TEX2: variants seen among roughly 807,000 people sequenced by gnomAD.
TEX2 encodes the protein testis expressed 2, also known as testis-expressed protein 2.
A neutral mutation model predicts 106.9 loss-of-function variants in TEX2; 53 were observed. That is an observed-to-expected ratio of 0.50 (90% CI 0.40 to 0.62). TEX2 has a LOEUF of 0.62. Ranked by LOEUF, TEX2 falls within the 20% of genes least tolerant of loss-of-function variation. TEX2 has a pLI of 0.00. For synonymous variants in TEX2, 523 were observed against 534.8 expected (o/e 0.98, Z 0.30); for missense variants, 1,207 against 1,379.0 (o/e 0.88, Z 1.98).
chr17:64,162,922 T>A (rs2030952579), intron 7 of TEX2, among the ~76,000 whole-genome samples: 1 of 152,138 alleles, frequency 6.6e-6, no homozygotes, highest in Admixed American at 6.5e-5. Context: ...TTGCTCTGTC[T>A]CCCTTGCTGC....
At chr17:64,251,426 T>C (rs2034088831) in intron 1 of TEX2, among the ~76,000 whole-genome samples, 1 of 152,202 alleles carries the variant, frequency 6.6e-6, no homozygotes, top group African/African-American at 2.4e-5. Flanking sequence ...CCTTCTTAAC[T>C]TGCAGTCTCC....
At chr17:64,257,916 CTTTTT>C (rs566218290) in intron 1 of TEX2, among the ~76,000 whole-genome samples, 1 of 145,384 alleles carries the variant, frequency 6.9e-6, no homozygotes, top group Non-Finnish European at 1.5e-5. Flanking sequence ...TATAACCGTT[CTTTTT>C]TTTTTTTTGA....
rs1452195169 is a variant in TEX2 at position 64,154,697 on chromosome 17, G to A, written c.2930+145C>T. 3.7e-6 allele frequency: 4 copies of A among 1,069,516 alleles called. No homozygotes were observed. In the Admixed American group the frequency reaches 1.2e-4, roughly 33 times the overall value. 66.3% of individuals were successfully genotyped at this position (1,069,516 alleles called of 1,614,324 possible). ...TTGCCTGGAATTTAAACAGACCACTGACCTGGGATATTAATAAAAAAACCA... is the reference window on the plus strand; with the variant it reads ...TTGCCTGGAATTTAAACAGACCACTAACCTGGGATATTAATAAAAAAACCA... On this transcript the variant is annotated intron_variant, in intron 9 of 11. Coordinates refer to ENST00000584379, the MANE Select transcript of TEX2 (RefSeq NM_001288732.2).
chr17:64,251,692 G>C (rs1045761785), intron 1 of TEX2, among the ~76,000 whole-genome samples: 2 of 152,298 alleles, frequency 1.3e-5, no homozygotes, highest in Middle Eastern at 3.4e-3. Context: ...GAGAGAGAAG[G>C]GGGAAGCCTC....
In TEX2 at chr17:64,148,762, C is replaced by T. The variant is rs897009770; in HGVS notation, c.*207G>A. 1.9e-5 allele frequency: 11 copies of T among 578,278 alleles called. No individual in the cohort carries two copies. The highest frequency in any genetic ancestry group is 3.2e-5 in the East Asian group (1 of 31,576). 35.8% of individuals were successfully genotyped at this position (578,278 alleles called of 1,614,324 possible). A position where few individuals can be genotyped will look rare whatever the true frequency, so the allele number is the denominator to read the frequency against. On this transcript the variant is annotated 3_prime_UTR_variant, in exon 12 of 12. Coordinates refer to ENST00000584379, the MANE Select transcript of TEX2 (RefSeq NM_001288732.2). ...CATGGTCTCCTTTGCCAAATCAAAGCTTTGCAGCAGGCAATCCAGACAGTT... is the reference window on the plus strand; with the variant it reads ...CATGGTCTCCTTTGCCAAATCAAAGTTTTGCAGCAGGCAATCCAGACAGTT...
intron 1 of TEX2, among the ~76,000 whole-genome samples, chr17:64,239,904 A>AAAAAAAAGAG (rs781859721): frequency 8.4e-6 from 1 of 118,790 alleles, no homozygotes; most frequent in Non-Finnish European, 1.8e-5. Context: ...AAAAAAAAAA[A>AAAAAAAAGAG]GCAGAGAAGA....
In TEX2 at chr17:64,214,306, C is replaced by A. The variant is rs556681679; in HGVS notation, c.-25-64G>T. 352 of 1,373,242 alleles carry A rather than the reference C, an allele frequency of 2.6e-4. 2 individuals carry two copies. In the South Asian group the frequency reaches 4.6e-3, roughly 18 times the overall value. 85.1% of individuals were successfully genotyped at this position (1,373,242 alleles called of 1,614,324 possible). Reference sequence around the variant, plus strand: ...TTTCTCCACAGGAGACGCTGTCATTCGCAGATAGGAGCACAGATGAAGCTG... The same window carrying A: ...TTTCTCCACAGGAGACGCTGTCATTAGCAGATAGGAGCACAGATGAAGCTG... On this transcript the variant is annotated intron_variant, in intron 1 of 11. Transcript: ENST00000584379.
At chr17:64,220,683 T>G (rs773490624) in intron 1 of TEX2, among the ~76,000 whole-genome samples, 13 of 152,112 alleles carry the variant, frequency 8.5e-5, no homozygotes, top group Non-Finnish European at 1.9e-4. Flanking sequence ...ATGACAATTA[T>G]TAAAAAGTCA....
chr17:64,148,561 T>G lies in TEX2; in HGVS notation c.*408A>C. 6.0e-6 allele frequency: 1 copy of G among 167,804 alleles called. No homozygotes were observed. Among genetic ancestry groups the G allele is most frequent in the Non-Finnish European group, 1.3e-5 (1 of 77,906 alleles). The allele number at this position is 167,804 out of a possible 1,614,324, so 10.4% of individuals were successfully genotyped here. A position where few individuals can be genotyped will look rare whatever the true frequency, so the allele number is the denominator to read the frequency against. On this transcript the variant is annotated 3_prime_UTR_variant, in exon 12 of 12. Coordinates refer to ENST00000584379, the MANE Select transcript of TEX2 (RefSeq NM_001288732.2). ...AGTGTGGAAGGCCGCATACAAAGTA[T>G]AGAAGTGAAAAAGTCCACTGTGCAC... is the stretch of plus-strand genomic sequence containing the variant.
chr17:64,199,096 G>A (rs782677358), intron 2 of TEX2, among the ~76,000 whole-genome samples: 1 of 152,186 alleles, frequency 6.6e-6, no homozygotes, highest in Non-Finnish European at 1.5e-5. Flanking sequence ...GAAACTTAGG[G>A]ATAAAAGTTG....
intron 9 of TEX2, among the ~76,000 whole-genome samples, 172 bp downstream of exon 9, chr17:64,154,670 G>A (rs972900379): frequency 2.7e-5 from 4 of 147,608 alleles, no homozygotes; most frequent in Non-Finnish European, 1.5e-5. Flanking sequence ...CTTTTTGCTT[G>A]GTTGCCTGGA....
At chr17:64,156,810 T>C (rs915638928) in intron 8 of TEX2, among the ~76,000 whole-genome samples, 1 of 152,180 alleles carries the variant, frequency 6.6e-6, no homozygotes, top group African/African-American at 2.4e-5. Context: ...CTGCAAGCTC[T>C]GGGACCCCAG....
chr17:64,208,966 AG>A (rs1333635401), intron 2 of TEX2, among the ~76,000 whole-genome samples: 1 of 152,178 alleles, frequency 6.6e-6, no homozygotes, highest in African/African-American at 2.4e-5. Flanking sequence ...AGGAGATGAC[AG>A]GGTCAATACC....
At chr17:64,154,752 C>T in intron 9 of TEX2, 90 bp downstream of exon 9, 1 of 1,379,848 alleles carries the variant, frequency 7.2e-7, no homozygotes, top group South Asian at 1.6e-5. Flanking sequence ...GAAGGAAGAT[C>T]ACAGAGGAAG....
At chr17:64,155,204 G>A in intron 8 of TEX2, 1 of 398,020 alleles carries the variant, frequency 2.5e-6, no homozygotes, top group African/African-American at 2.1e-5. Context: ...CAGGACCACA[G>A]AGGCCTTGGA....
In TEX2 at chr17:64,261,964, C is replaced by T. The variant is rs181079187; in HGVS notation, c.-26+1204G>A. Among the ~76,000 whole-genome samples the T allele has an allele frequency of 1.1e-3, 168 of 152,350 alleles. 5 individuals are homozygous for T. The South Asian group carries it at 0.031, about 28-fold the overall frequency. On this transcript the variant is annotated intron_variant, in intron 1 of 11. Transcript: ENST00000584379. ...CTAGACTCCTCAAACTCCCCATACT[C>T]CAGAGTTCAAGGATAACCTGCCCTC...
At chr17:64,170,457 G>A (rs76800972) in intron 7 of TEX2, among the ~76,000 whole-genome samples, 3,451 of 152,170 alleles carry the variant, frequency 0.023, 44 homozygotes, top group Non-Finnish European at 0.033. Context: ...TGAGAGGTGA[G>A]CGGAACTGAA....
intron 1 of TEX2, among the ~76,000 whole-genome samples, chr17:64,239,560 C>G (rs1555635508): frequency 6.6e-6 from 1 of 152,068 alleles, no homozygotes; most frequent in Admixed American, 6.6e-5. Flanking sequence ...AAAAAATTTT[C>G]AAAAGCAACT....
chr17:64,195,093 T>C lies in TEX2; in HGVS notation c.1647A>G (p.Gly549=). ...LDIKEPEILK[G]WMNEIYNYDP... Reference sequence around the variant, plus strand: ...CATAGTTGTAAATCTCATTCATCCATCCCTGATGAAGAAAAACTTCCATTA... The same window carrying C: ...CATAGTTGTAAATCTCATTCATCCACCCCTGATGAAGAAAAACTTCCATTA... Residue 549 remains glycine (G), a splice_region_variant and synonymous_variant, in exon 3 of 12, where the codon GGA becomes GGG. Transcript: ENST00000584379. This position sits in a 1 kb window ranked among gnomAD's most constrained non-coding sequence, Gnocchi z 4.1. 1 of 1,613,640 alleles carries C rather than the reference T, an allele frequency of 6.2e-7. No individual in the cohort carries two copies.
Sources: allele counts gnomAD v4.1 joint callset (sites outside exome capture counted in the v4.1 genomes callset), GRCh38; gene constraint gnomAD v4.1.1; non-coding constraint Gnocchi (gnomAD v3.1); transcripts MANE v1.5; gene names NCBI Gene and HGNC (gene_info 2026-07-23, HGNC 2026-07-21).